CPNE8: variants seen among roughly 807,000 people sequenced by gnomAD.
CPNE8 encodes the protein copine 8.
A neutral mutation model predicts 81.5 loss-of-function variants in CPNE8; 45 were observed. The ratio of observed to expected loss-of-function variants is 0.55; its 90% CI spans 0.44 to 0.71. The LOEUF (loss-of-function observed/expected upper bound fraction) is 0.71, where lower values mean the gene tolerates loss of function less well. CPNE8 is among the 30% of genes least tolerant of loss of function. The pLI is 0.00. For missense variants in CPNE8, 594 were observed against 672.1 expected (o/e 0.88, Z 1.28); for synonymous variants, 252 against 226.3 (o/e 1.11, Z -1.02).
chr12:38,774,459 T>A (rs1941879753), intron 7 of CPNE8, among the ~76,000 whole-genome samples: 1 of 152,066 alleles, frequency 6.6e-6, no homozygotes, highest in Non-Finnish European at 1.5e-5. Context: ...AATCATTGTA[T>A]CATTTTAACT....
intron 1 of CPNE8, among the ~76,000 whole-genome samples, chr12:38,901,751 C>A (rs1340404477): frequency 6.6e-6 from 1 of 152,130 alleles, no homozygotes; most frequent in Admixed American, 6.5e-5. Flanking sequence ...ACTGTCCCTT[C>A]TCTAATCCAA....
intron 17 of CPNE8, 43 bp downstream of exon 17, chr12:38,677,408 AT>A (rs1939313985): frequency 1.0e-6 from 1 of 1,004,290 alleles, no homozygotes; most frequent in Admixed American, 1.7e-5. Context: ...AAGTAGCACC[AT>A]GTTGTCACGT....
At chr12:38,752,196 C>A (rs996794915) in intron 10 of CPNE8, among the ~76,000 whole-genome samples, 1 of 152,116 alleles carries the variant, frequency 6.6e-6, no homozygotes, top group African/African-American at 2.4e-5. Flanking sequence ...CTAACAGATG[C>A]AAGAGTTGGC....
intron 1 of CPNE8, among the ~76,000 whole-genome samples, chr12:38,892,956 G>A (rs1434830726): frequency 1.3e-5 from 2 of 151,948 alleles, no homozygotes; most frequent in Admixed American, 6.6e-5. Context: ...AAATGAGGAC[G>A]TTGAAATAGC....
At chr12:38,842,477 A>T (rs1184309805) in intron 4 of CPNE8, among the ~76,000 whole-genome samples, 1 of 152,164 alleles carries the variant, frequency 6.6e-6, no homozygotes, top group Non-Finnish European at 1.5e-5. Context: ...AAGCTTTTTA[A>T]ATACCATTAT....
chr12:38,756,212 A>T (rs976873501), intron 10 of CPNE8, among the ~76,000 whole-genome samples: 4 of 152,178 alleles, frequency 2.6e-5, no homozygotes, highest in Non-Finnish European at 5.9e-5. Flanking sequence ...GAATTTAGTT[A>T]AAAATGCCAT....
chr12:38,702,964 TG>T (rs1939986709), intron 13 of CPNE8, 43 bp from the exon 14 acceptor site: 1 of 1,294,930 alleles, frequency 7.7e-7, no homozygotes, highest in Non-Finnish European at 1.1e-6. Flanking sequence ...TGAAATAACC[TG>T]ATAAAAGGAG....
chr12:38,802,969 T>A (rs1414046005), intron 6 of CPNE8, among the ~76,000 whole-genome samples: 1 of 144,724 alleles, frequency 6.9e-6, no homozygotes, highest in East Asian at 2.0e-4. Flanking sequence ...AGAAGTTGAA[T>A]CTCTGAATAG....
intron 16 of CPNE8, among the ~76,000 whole-genome samples, chr12:38,683,585 G>T (rs1239935693): frequency 6.6e-6 from 1 of 152,066 alleles, no homozygotes; most frequent in African/African-American, 2.4e-5. Context: ...GGGTCAGACA[G>T]AAATTGTCTG....
rs187308196 is a variant in CPNE8, at chr12:38,833,367, A to G, written c.331-3912T>C. Among the ~76,000 whole-genome samples, 38 of 151,478 alleles carry G rather than the reference A, an allele frequency of 2.5e-4. No individual in the cohort carries two copies. In the South Asian group the frequency reaches 5.6e-3, roughly 22 times the overall value. ...ACCTTATCTCAAAAAAAAAAAAAAAAAAAAAGAAAAGAAAAGATACCTTTG... is the reference window on the plus strand; with the variant it reads ...ACCTTATCTCAAAAAAAAAAAAAAAGAAAAAGAAAAGAAAAGATACCTTTG... On this transcript the variant is annotated intron_variant, in intron 5 of 19. Transcript: ENST00000331366.
At chr12:38,825,871 T>C (rs1363245535) in intron 6 of CPNE8, among the ~76,000 whole-genome samples, 1 of 152,220 alleles carries the variant, frequency 6.6e-6, no homozygotes, top group African/African-American at 2.4e-5. Context: ...AAAATATCTT[T>C]CCACTAGCAA....
intron 8 of CPNE8, among the ~76,000 whole-genome samples, chr12:38,765,085 C>T (rs964457041): frequency 2.6e-5 from 4 of 152,172 alleles, no homozygotes; most frequent in African/African-American, 9.6e-5. Context: ...GTCCTTCTTA[C>T]TGAGATATTT....
chr12:38,876,971 G>A (rs1252887350), intron 1 of CPNE8, among the ~76,000 whole-genome samples: 1 of 152,162 alleles, frequency 6.6e-6, no homozygotes. Context: ...AATAAGATAG[G>A]TATTATTGTG....
intron 6 of CPNE8, among the ~76,000 whole-genome samples, chr12:38,777,396 A>T (rs903609818): frequency 3.3e-5 from 5 of 152,330 alleles, no homozygotes; most frequent in South Asian, 2.1e-4. Context: ...AAAACATTTT[A>T]AAAAGTTTAA....
intron 14 of CPNE8, among the ~76,000 whole-genome samples, chr12:38,698,314 G>A (rs1939847271): frequency 6.6e-6 from 1 of 152,174 alleles, no homozygotes; most frequent in African/African-American, 2.4e-5. Flanking sequence ...AGTCCCTCAT[G>A]AGAGGTATGA....
intron 19 of CPNE8, among the ~76,000 whole-genome samples, chr12:38,664,605 G>A (rs1232826624): frequency 6.6e-6 from 1 of 152,004 alleles, no homozygotes; most frequent in Non-Finnish European, 1.5e-5. Context: ...AAGTCCTACA[G>A]GATATGCAGA....
At chr12:38,688,820 C>T (rs901176165) in intron 15 of CPNE8, among the ~76,000 whole-genome samples, 4 of 151,844 alleles carry the variant, frequency 2.6e-5, no homozygotes, top group African/African-American at 4.8e-5. Context: ...TGGAGACTGG[C>T]GGGGAAAGGT....
chr12:38,777,687 C>G (rs1592079964), intron 6 of CPNE8, among the ~76,000 whole-genome samples: 1 of 152,138 alleles, frequency 6.6e-6, no homozygotes, highest in African/African-American at 2.4e-5. Context: ...TTACAATTAC[C>G]TGTTCAGTGA....
At chr12:38,664,898 GA>G (rs1452713781) in intron 19 of CPNE8, among the ~76,000 whole-genome samples, 1 of 152,066 alleles carries the variant, frequency 6.6e-6, no homozygotes, top group Non-Finnish European at 1.5e-5. Flanking sequence ...ACTGTCATAG[GA>G]AGTCACTGTT....
Sources: gnomAD v4.1 joint callset for allele counts (sites outside exome capture counted in the v4.1 genomes callset) on GRCh38, gnomAD v4.1.1 for gene constraint, MANE v1.5 for transcripts, NCBI Gene and HGNC (gene_info 2026-07-23, HGNC 2026-07-21) for gene names.